The following XDH variants were observed in gnomAD, a reference collection of about 807,000 sequenced individuals.
XDH encodes the protein xanthine dehydrogenase.
In XDH, 138 loss-of-function variants were observed where a neutral mutation model predicts 156.1. That is an observed-to-expected ratio of 0.88 (90% CI 0.77 to 1.02). XDH has a LOEUF of 1.02. Among genes scored for constraint, XDH ranks in the 50% least tolerant of loss-of-function variants. XDH has a pLI of 0.00. For synonymous variants in XDH, 669 were observed against 625.7 expected (o/e 1.07, Z -1.03); for missense variants, 1,849 against 1,684.9 (o/e 1.10, Z -1.71).
intron 14 of XDH, 68 bp from the exon 15 acceptor site, chr2:31,375,622 G>A (rs143370133): frequency 1.3e-6 from 2 of 1,554,220 alleles, no homozygotes; most frequent in East Asian, 4.7e-5. Context: ...GTAGAGCTGT[G>A]TGCCCAGGGC....
At chr2:31,378,131 G>GAAA (rs1686317083) in intron 13 of XDH, among the ~76,000 whole-genome samples, 3 of 60,054 alleles carry the variant, frequency 5.0e-5, no homozygotes, top group African/African-American at 1.8e-4. Flanking sequence ...AGGAAGGAAG[G>GAAA]AAGGAAGGAA....
chr2:31,368,602 T>G lies in XDH; in HGVS notation c.2039A>C (p.Gln680Pro), dbSNP rs1685986307. ...AVVADTPEHT[Q>P]RAAQGVKITY... ...GATTTTCACCCCTTGGGCAGCTCTC[T>G]GTGTGTGTTCCGGGGTGTCAGCAAC... The change falls in exon 19 of 36, where the codon CAG becomes CCG. Residue 680 changes from glutamine (Q) to proline (P), a missense_variant. Gln to Pro is a moderately conservative substitution (Grantham distance 76). Transcript: ENST00000379416. The G allele has an allele frequency of 6.2e-7, 1 of 1,614,244 alleles. No homozygotes were observed. Among genetic ancestry groups the G allele is most frequent in the Non-Finnish European group, 8.5e-7 (1 of 1,180,032 alleles).
intron 1 of XDH, among the ~76,000 whole-genome samples, chr2:31,408,889 G>A (rs959803216): frequency 9.9e-5 from 15 of 152,282 alleles, no homozygotes; most frequent in Non-Finnish European, 1.3e-4. Flanking sequence ...CAACCTAAGC[G>A]TCCGTGAACA....
Position 31,389,808 on chromosome 2 carries a change from T to C in XDH, c.496-1513A>G, listed in dbSNP as rs573053344. On this transcript the variant is annotated intron_variant, in intron 6 of 35. Coordinates refer to ENST00000379416, the MANE Select transcript of XDH (RefSeq NM_000379.4). ...CCCCACCCTCCTGAGATTCCTACTT[T>C]ACTAAATAGGCTAAGGCTTCTGCAC... Among the ~76,000 whole-genome samples, 6 of 152,238 alleles carry C rather than the reference T, an allele frequency of 3.9e-5. No individual in the cohort carries two copies. In the East Asian group the frequency reaches 1.2e-3, roughly 29 times the overall value.
rs766142390 is a variant in XDH, at chr2:31,364,235, T to A, written c.2554A>T (p.Met852Leu). ...PFLARYKVGF[M>L]KTGTVVALEV... is the part of the protein sequence containing the mutation. The stretch of plus-strand genomic sequence containing the variant: ...AGAGCCACAACTGTCCCAGTCTTCA[T>A]GAAGCCAACCTGATAAAAGGAGAAA... The change falls in exon 24 of 36, where the codon ATG (methionine) becomes TTG (leucine). Residue 852 changes from methionine to leucine, a missense_variant. Coordinates refer to ENST00000379416, the MANE Select transcript of XDH (RefSeq NM_000379.4). 41 of 1,614,066 alleles carry A rather than the reference T, an allele frequency of 2.5e-5. No homozygotes were observed. Among genetic ancestry groups the A allele is most frequent in the South Asian group, 2.2e-4 (20 of 91,092 alleles).
intron 20 of XDH, 81 bp from the exon 21 acceptor site, chr2:31,367,075 C>T: frequency 6.2e-7 from 1 of 1,609,730 alleles, no homozygotes; most frequent in South Asian, 1.1e-5. Flanking sequence ...GTATACTCTG[C>T]CAAGTGGTCT....
intron 22 of XDH, among the ~76,000 whole-genome samples, chr2:31,365,764 G>C (rs1228733966): frequency 6.6e-6 from 1 of 152,208 alleles, no homozygotes; most frequent in Non-Finnish European, 1.5e-5. Flanking sequence ...GCCAGTAGGA[G>C]AGATCAGAGG....
chr2:31,389,400 C>G (rs1686702747), intron 6 of XDH, among the ~76,000 whole-genome samples: 1 of 152,206 alleles, frequency 6.6e-6, no homozygotes, highest in Non-Finnish European at 1.5e-5. Context: ...AGCTCCAGCA[C>G]TGGACACCAG....
rs770338067 is a variant in XDH at position 31,383,825 on chromosome 2, A to G, written c.816T>C (p.Asn272=). 60 of 1,613,994 alleles carry G rather than the reference A, an allele frequency of 3.7e-5. No individual in the cohort carries two copies. Among genetic ancestry groups the G allele is most frequent in the Non-Finnish European group, 4.7e-5 (55 of 1,180,038 alleles). ...GGCAGACAATCATAGGAAACAGCAT[A>G]TTCTTGAACTTCATCTCAATGCCTA... ...TEIGIEMKFK[N]MLFPMIVCPA... is the part of the protein sequence containing the mutation. Residue 272 remains asparagine, a synonymous_variant, in exon 10 of 36, where the codon AAT becomes AAC. Transcript: ENST00000379416.
chr2:31,350,321 C>A, intron 24 of XDH, 98 bp from the exon 25 acceptor site: 2 of 1,144,310 alleles, frequency 1.7e-6, no homozygotes, highest in Non-Finnish European at 2.6e-6. Context: ...GCCTGCCTTT[C>A]CCCTCTGCAC....
intron 5 of XDH, among the ~76,000 whole-genome samples, chr2:31,398,150 G>A (rs572352976): frequency 1.2e-4 from 19 of 152,190 alleles, no homozygotes; most frequent in Non-Finnish European, 2.5e-4. Context: ...AGATGGGGAG[G>A]CTTCTCTATT....
chr2:31,358,920 A>C (rs762636089), intron 24 of XDH, among the ~76,000 whole-genome samples: 3 of 152,176 alleles, frequency 2.0e-5, no homozygotes, highest in Non-Finnish European at 4.4e-5. Context: ...TCAGTATGTA[A>C]AGAAAAGGAG....
chr2:31,364,284 C>T (rs372029794), intron 23 of XDH, 40 bp from the exon 24 acceptor site: 251 of 1,599,664 alleles, frequency 1.6e-4, no homozygotes, highest in Middle Eastern at 4.9e-4. Context: ...TCATAAGTCC[C>T]GTTTCCCCCA....
At chr2:31,345,938 A>G (rs1685276685) in intron 30 of XDH, among the ~76,000 whole-genome samples, 1 of 152,224 alleles carries the variant, frequency 6.6e-6, no homozygotes, top group African/African-American at 2.4e-5. Context: ...AAATCAGGCT[A>G]CTTTCATGTG....
chr2:31,363,911 C>G (rs182829297), intron 24 of XDH, among the ~76,000 whole-genome samples: 1 of 152,118 alleles, frequency 6.6e-6, no homozygotes, highest in Admixed American at 6.5e-5. Context: ...ATACATAAAA[C>G]ATTGTAACTA....
chr2:31,374,790 C>A (rs1322842216), intron 15 of XDH, among the ~76,000 whole-genome samples: 1 of 152,050 alleles, frequency 6.6e-6, no homozygotes, highest in African/African-American at 2.4e-5. Flanking sequence ...GAGCTGCCCC[C>A]TAGCACCTCA....
At chr2:31,414,577 C>G in intron 1 of XDH, 48 bp downstream of exon 1, 1 of 1,612,418 alleles carries the variant, frequency 6.2e-7, no homozygotes, top group East Asian at 2.2e-5. Context: ...GACACATTTC[C>G]CCTCCCAGGG....
intron 29 of XDH, 68 bp downstream of exon 29, chr2:31,347,454 A>T: frequency 6.2e-7 from 1 of 1,609,250 alleles, no homozygotes; most frequent in East Asian, 2.2e-5. Context: ...GCTCCCACCC[A>T]GGGAGACTCT....
intron 5 of XDH, among the ~76,000 whole-genome samples, chr2:31,397,993 A>C (rs1490774671): frequency 6.6e-6 from 1 of 152,194 alleles, no homozygotes; most frequent in Non-Finnish European, 1.5e-5. Flanking sequence ...ACAGTGGCTG[A>C]TCACAGCTTC....
Sources: gnomAD v4.1 joint callset for allele counts (sites outside exome capture counted in the v4.1 genomes callset) on GRCh38, gnomAD v4.1.1 for gene constraint, MANE v1.5 for transcripts, NCBI Gene and HGNC (gene_info 2026-07-23, HGNC 2026-07-21) for gene names.